The following RPS6KA1 variants were observed in gnomAD, a reference collection of about 807,000 sequenced individuals.
RPS6KA1 encodes ribosomal protein S6 kinase alpha-1.
A neutral mutation model predicts 91.3 loss-of-function variants in RPS6KA1; 48 were observed. The ratio of observed to expected loss-of-function variants is 0.53; its 90% confidence interval spans 0.42 to 0.67. The LOEUF (loss-of-function observed/expected upper bound fraction) is 0.67. Ranked by LOEUF, RPS6KA1 falls within the 30% of genes least tolerant of loss-of-function variation. The probability of loss-of-function intolerance (pLI) is 0.00; values close to 1 mark genes in which losing one functional copy is unlikely to be tolerated. For synonymous variants in RPS6KA1, 359 were observed against 384.7 expected, an observed-to-expected ratio of 0.93 and a Z score of 0.78; for missense variants, 719 against 960.5, an observed-to-expected ratio of 0.75 and a Z score of 3.32.
chr1:26,563,436 A>G (rs2076171964), intron 17 of RPS6KA1, among the ~76,000 whole-genome samples: 1 of 152,024 alleles, frequency 6.6e-6, no homozygotes, highest in Non-Finnish European at 1.5e-5. Flanking sequence ...CTTGTTGCCC[A>G]GGCTGGTCTT....
At chr1:26,567,177 A>G (rs2076210195) in intron 17 of RPS6KA1, among the ~76,000 whole-genome samples, 1 of 151,580 alleles carries the variant, frequency 6.6e-6, no homozygotes, top group South Asian at 2.1e-4. Flanking sequence ...GCGTGCCACC[A>G]CACCTGGCTA....
rs551798546 is a variant in RPS6KA1, at chr1:26,563,983, C to T, written c.1590+2320C>T. Among the ~76,000 whole-genome samples, 65 of 152,204 alleles carry T rather than the reference C, an allele frequency of 4.3e-4. 1 individual carries two copies. The South Asian group carries it at 8.3e-3, about 19-fold the overall frequency. ...ACCAAAAATACAAAAATTAGCTGGG[C>T]ATGGTGGCCCATGCCTGTAATCCCA... is the stretch of plus-strand genomic sequence containing the variant. On this transcript the variant is annotated intron_variant, in intron 17 of 21. Coordinates refer to ENST00000374168, the MANE Select transcript of RPS6KA1 (RefSeq NM_002953.4).
intron 2 of RPS6KA1, among the ~76,000 whole-genome samples, chr1:26,539,892 A>C (rs2075934470): frequency 6.6e-6 from 1 of 152,144 alleles, no homozygotes. Flanking sequence ...CTGCAGGTCT[A>C]TTTTGAGAGC....
chr1:26,549,261 T>C (rs1189892139), intron 4 of RPS6KA1, among the ~76,000 whole-genome samples: 1 of 151,886 alleles, frequency 6.6e-6, no homozygotes, highest in Non-Finnish European at 1.5e-5. Context: ...CTCCCTAGCC[T>C]TCCACCTCTC....
At chr1:26,553,917 T>G (rs931113407) in intron 7 of RPS6KA1, 2 of 351,544 alleles carry the variant, frequency 5.7e-6, no homozygotes, top group Non-Finnish European at 1.0e-5. Flanking sequence ...ACCTACTAGC[T>G]AGACTTACTA....
intron 1 of RPS6KA1, chr1:26,530,760 T>G: frequency 7.8e-7 from 1 of 1,285,480 alleles, no homozygotes; most frequent in South Asian, 1.2e-5. Flanking sequence ...GCTCCTGACC[T>G]CCCTTGAGGG....
chr1:26,542,452 A>AGT (rs151062658), intron 2 of RPS6KA1, among the ~76,000 whole-genome samples: 2 of 151,650 alleles, frequency 1.3e-5, no homozygotes, highest in African/African-American at 2.4e-5. Context: ...CATCGGCCTG[A>AGT]GTGTGTGTGT....
chr1:26,533,542 C>T (rs571981155), intron 1 of RPS6KA1, among the ~76,000 whole-genome samples: 3 of 152,212 alleles, frequency 2.0e-5, no homozygotes, highest in East Asian at 3.9e-4. Flanking sequence ...CCCGCCTCTA[C>T]TAAAAATACA....
intron 2 of RPS6KA1, among the ~76,000 whole-genome samples, chr1:26,546,367 A>C (rs990972482): frequency 6.6e-6 from 1 of 152,146 alleles, no homozygotes; most frequent in Non-Finnish European, 1.5e-5. Flanking sequence ...GCACTTACCT[A>C]GTTGATGGGG....
At chr1:26,532,075 G>A (rs2075871867) in intron 1 of RPS6KA1, among the ~76,000 whole-genome samples, 1 of 152,168 alleles carries the variant, frequency 6.6e-6, no homozygotes, top group Admixed American at 6.5e-5. Context: ...TTTTCACAGG[G>A]ACCTAGGATC....
rs2076005539 is a variant in RPS6KA1, at chr1:26,547,466, G to C, written c.307+196G>C. 2 of 577,470 alleles carry C rather than the reference G, an allele frequency of 3.5e-6. No homozygotes were observed. The highest frequency in any genetic ancestry group is 6.0e-5 in the Admixed American group (2 of 33,572). The allele number at this position is 577,470 out of a possible 1,614,324, so 35.8% of individuals were successfully genotyped here. ...CCCCCTAAGCCAAGTGCTAGTGACTGGCTGTGAAGGTCTGGAAGGTGGTAA... is the reference window on the plus strand; with the variant it reads ...CCCCCTAAGCCAAGTGCTAGTGACTCGCTGTGAAGGTCTGGAAGGTGGTAA... On this transcript the variant is annotated intron_variant, in intron 4 of 21. Transcript: ENST00000374168. This position sits in a 1 kb window ranked among gnomAD's most constrained non-coding sequence, Gnocchi z 4.1.
rs922297352 is a variant in RPS6KA1 at position 26,574,127 on chromosome 1, C to T, written c.2134C>T (p.Pro712Ser). The change falls in exon 22 of 22, where the codon CCC becomes TCC. Residue 712 changes from proline to serine, a missense_variant. Around this residue, in one of 5 missense-constraint regions of RPS6KA1, gnomAD observed 249 missense variants for 323.1 expected, o/e 0.77. Transcript: ENST00000374168. The surrounding 1 kb of genome is among the most constrained non-coding windows in gnomAD (Gnocchi z 4.3). ...CGCACTCAACAGCTCCAAGCCCACC[C>T]CCCAGCTGAAGCCCATCGAGTCATC... ...YSALNSSKPT[P>S]QLKPIESSIL... 1.2e-6 allele frequency: 2 copies of T among 1,614,042 alleles called. No individual in the cohort carries two copies. Among genetic ancestry groups the T allele is most frequent in the African/African-American group, 1.3e-5 (1 of 74,922 alleles).
chr1:26,537,014 C>A, intron 2 of RPS6KA1, 45 bp downstream of exon 2: 1 of 1,607,108 alleles, frequency 6.2e-7, no homozygotes, highest in Middle Eastern at 1.7e-4. Flanking sequence ...TGTGGGGGAT[C>A]CTGTTTGCAT....
chr1:26,559,971 A>G (rs948257536), intron 14 of RPS6KA1, among the ~76,000 whole-genome samples: 3 of 152,216 alleles, frequency 2.0e-5, no homozygotes, highest in Non-Finnish European at 4.4e-5. Flanking sequence ...GCGTGCCTAT[A>G]GTCCCAGCTA....
Position 26,574,536 on chromosome 1 carries a change from G to T in RPS6KA1, c.*335G>T. The T allele has an allele frequency of 2.1e-6, 1 of 477,478 alleles. No individual in the cohort carries two copies. Among genetic ancestry groups the T allele is most frequent in the South Asian group, 1.6e-5 (1 of 62,606 alleles). 29.6% of individuals were successfully genotyped at this position (477,478 alleles called of 1,614,324 possible). ...ATTGCGGCCCCAGGAGGGGAACTGA[G>T]TCACGCTGGGGCTCTCTGAGACTCT... On this transcript the variant is annotated 3_prime_UTR_variant, in exon 22 of 22. Transcript: ENST00000374168. This position sits in a 1 kb window ranked among gnomAD's most constrained non-coding sequence, Gnocchi z 4.3.
chr1:26,557,448 A>G (rs983039779), intron 13 of RPS6KA1, among the ~76,000 whole-genome samples: 1 of 152,172 alleles, frequency 6.6e-6, no homozygotes, highest in Non-Finnish European at 1.5e-5. Flanking sequence ...TCAGGGAGAA[A>G]GAATCTGACC....
Position 26,560,754 on chromosome 1 carries a change from G to C in RPS6KA1, c.1244G>C (p.Ser415Thr). ...CTCCATGGGAAGAACCTGGTTTTTAGTGACGGCTACGTGGTAAAGGAGACA... is the reference window on the plus strand; with the variant it reads ...CTCCATGGGAAGAACCTGGTTTTTACTGACGGCTACGTGGTAAAGGAGACA... ...QQLHGKNLVFSDGYVVKETIG... is the reference protein window; with the variant it reads ...QQLHGKNLVFTDGYVVKETIG... Residue 415 changes from serine (S) to threonine (T), a missense_variant, in exon 15 of 22, where the codon AGT (serine) becomes ACT (threonine). Physicochemically the swap from Ser to Thr is moderately conservative, Grantham distance 58. Transcript: ENST00000374168. 6.2e-7 allele frequency: 1 copy of C among 1,614,212 alleles called. No homozygotes were observed. The highest frequency in any genetic ancestry group is 8.5e-7 in the Non-Finnish European group (1 of 1,180,044).
intron 2 of RPS6KA1, chr1:26,543,026 A>G (rs375972658): frequency 4.7e-5 from 44 of 933,006 alleles, no homozygotes; most frequent in African/African-American, 1.7e-4. Context: ...CTGACCCATC[A>G]TCTGCCCCTC....
At chr1:26,550,026 C>T (rs1420466721) in intron 4 of RPS6KA1, among the ~76,000 whole-genome samples, 1 of 151,738 alleles carries the variant, frequency 6.6e-6, no homozygotes, top group African/African-American at 2.4e-5. Context: ...ATTACAGGCC[C>T]ACGCCACCAC....
Sources: gnomAD v4.1 joint callset for allele counts (sites outside exome capture counted in the v4.1 genomes callset) on GRCh38, gnomAD v4.1.1 for gene constraint, gnomAD v4.1.1 regional missense constraint, Gnocchi (gnomAD v3.1) non-coding constraint, MANE v1.5 for transcripts, NCBI Gene and HGNC (gene_info 2026-07-23, HGNC 2026-07-21) for gene names.